The following KIAA0825 variants were observed in gnomAD, a reference collection of about 807,000 sequenced individuals.
The protein encoded by KIAA0825 is KIAA0825, also known as uncharacterized protein KIAA0825.
In KIAA0825, 119 loss-of-function variants were observed where a neutral mutation model predicts 147.6. The observed-to-expected ratio is 0.81, with a 90% CI of 0.69 to 0.94. The LOEUF (loss-of-function observed/expected upper bound fraction) is 0.94, where lower values mean the gene tolerates loss of function less well. Among genes scored for constraint, KIAA0825 ranks in the 40% least tolerant of loss-of-function variants. The pLI is 0.00. For missense variants in KIAA0825, 1,381 were observed against 1,472.7 expected (o/e 0.94, Z 1.02); for synonymous variants, 470 against 518.1 (o/e 0.91, Z 1.26).
At chr5:94,491,893 C>A in intron 5 of KIAA0825, among the ~76,000 whole-genome samples, 1 of 151,984 alleles carries the variant, frequency 6.6e-6, no homozygotes, top group South Asian at 2.1e-4. Flanking sequence ...AAATGAATAT[C>A]TATGAAGTTA....
intron 2 of KIAA0825, among the ~76,000 whole-genome samples, chr5:94,547,041 T>C (rs1774551649): frequency 6.6e-6 from 1 of 151,792 alleles, no homozygotes; most frequent in Non-Finnish European, 1.5e-5. Flanking sequence ...CAAGCAGAAA[T>C]TCTGGAGTTG....
Position 94,473,374 on chromosome 5 carries a change from G to A in KIAA0825, c.1373C>T (p.Ala458Val). ...QNERSSAVSY[A>V]MNLVNVQQVW... ...TTGCTGGACATTTACAAGGTTCATA[G>A]CATAGCTCACAGCTGAAGACCTTTC... Residue 458 changes from alanine (A) to valine (V), a missense_variant, in exon 8 of 21, where the codon GCT becomes GTT. Coordinates refer to ENST00000682413, the MANE Select transcript of KIAA0825 (RefSeq NM_001145678.3). The A allele has an allele frequency of 6.4e-7, 1 of 1,551,966 alleles. No individual in the cohort carries two copies. The highest frequency in any genetic ancestry group is 8.7e-7 in the Non-Finnish European group (1 of 1,147,048).
intron 5 of KIAA0825, among the ~76,000 whole-genome samples, chr5:94,505,394 C>T (rs1765628223): frequency 6.6e-6 from 1 of 151,234 alleles, no homozygotes; most frequent in Admixed American, 6.6e-5. Flanking sequence ...TCTCATAAGT[C>T]TTCATCCCCT....
At chr5:94,478,371 A>G (rs1762130027) in intron 6 of KIAA0825, among the ~76,000 whole-genome samples, 3 of 152,054 alleles carry the variant, frequency 2.0e-5, no homozygotes, top group African/African-American at 7.2e-5. Flanking sequence ...GGATTTGTGA[A>G]CACTCTAAGA....
chr5:94,496,329 G>A (rs760323591), intron 5 of KIAA0825, among the ~76,000 whole-genome samples: 2 of 152,198 alleles, frequency 1.3e-5, no homozygotes, highest in Non-Finnish European at 2.9e-5. Context: ...GCTACTCTGC[G>A]CTACAATGGC....
At chr5:94,171,029 A>G (rs1247198081) in intron 20 of KIAA0825, among the ~76,000 whole-genome samples, 1 of 152,234 alleles carries the variant, frequency 6.6e-6, no homozygotes, top group Non-Finnish European at 1.5e-5. Context: ...TGAATCATTC[A>G]GAACCAGCAC....
Position 94,520,454 on chromosome 5 carries a change from A to G in KIAA0825, c.764T>C (p.Ile255Thr). 1.9e-6 allele frequency: 3 copies of G among 1,612,710 alleles called. No individual in the cohort carries two copies. The highest frequency in any genetic ancestry group is 2.5e-6 in the Non-Finnish European group (3 of 1,179,028). ...ACATAGTGTGTTAAAATCCTCTTTT[A>G]TTACTGAGTATAACTTAAGCATTGT... ...QSTMLKLYSV[I>T]KEDFNTLCEI... Residue 255 changes from isoleucine to threonine, a missense_variant, in exon 5 of 21, where the codon ATA becomes ACA. By Grantham distance (89) the Ile-to-Thr change is moderately conservative (BLOSUM62 -1). Transcript: ENST00000682413.
At chr5:94,543,289 C>G (rs1175489338) in intron 2 of KIAA0825, among the ~76,000 whole-genome samples, 1 of 151,844 alleles carries the variant, frequency 6.6e-6, no homozygotes. Flanking sequence ...ACTAAAAGTA[C>G]AAAAATTAGC....
intron 20 of KIAA0825, among the ~76,000 whole-genome samples, chr5:94,299,233 T>C (rs1778271838): frequency 6.6e-6 from 1 of 152,104 alleles, no homozygotes; most frequent in Admixed American, 6.6e-5. Flanking sequence ...TTTATTTTTT[T>C]AGCGACAGAA....
intron 5 of KIAA0825, among the ~76,000 whole-genome samples, chr5:94,492,631 T>G (rs1763867117): frequency 6.6e-6 from 1 of 152,232 alleles, no homozygotes; most frequent in Non-Finnish European, 1.5e-5. Context: ...ATGGTACATT[T>G]GGGGTATCAC....
chr5:94,472,181 T>C (rs1761285503), intron 8 of KIAA0825, among the ~76,000 whole-genome samples: 1 of 152,194 alleles, frequency 6.6e-6, no homozygotes, highest in Non-Finnish European at 1.5e-5. Context: ...TAAATGTCAG[T>C]GCAATTTAAA....
At chr5:94,418,207 T>A (rs1179976955) in intron 14 of KIAA0825, among the ~76,000 whole-genome samples, 1 of 152,182 alleles carries the variant, frequency 6.6e-6, no homozygotes, top group Non-Finnish European at 1.5e-5. Flanking sequence ...AATAAATAGA[T>A]TTCTTTATTC....
At chr5:94,596,690 G>C (rs1011663676) in intron 1 of KIAA0825, among the ~76,000 whole-genome samples, 2 of 152,122 alleles carry the variant, frequency 1.3e-5, no homozygotes, top group Non-Finnish European at 2.9e-5. Context: ...TAATGATATT[G>C]AGTCTATCAA....
intron 1 of KIAA0825, among the ~76,000 whole-genome samples, chr5:94,617,118 A>G (rs1316496322): frequency 6.6e-6 from 1 of 152,192 alleles, no homozygotes; most frequent in East Asian, 1.9e-4. Flanking sequence ...ATAAATGTAA[A>G]GTGCCTGGCA....
chr5:94,521,174 A>G (rs868565489), intron 4 of KIAA0825, among the ~76,000 whole-genome samples: 1 of 151,842 alleles, frequency 6.6e-6, no homozygotes, highest in African/African-American at 2.4e-5. Context: ...TACAGTTTTT[A>G]GCCCTCATTG....
intron 20 of KIAA0825, among the ~76,000 whole-genome samples, chr5:94,268,297 T>C (rs957055368): frequency 3.9e-5 from 6 of 152,016 alleles, no homozygotes; most frequent in Non-Finnish European, 8.8e-5. Context: ...AAGTAGCCAG[T>C]TTACTAGCAT....
chr5:94,355,419 T>C (rs893943980), intron 20 of KIAA0825, among the ~76,000 whole-genome samples: 4 of 152,184 alleles, frequency 2.6e-5, no homozygotes, highest in African/African-American at 9.7e-5. Flanking sequence ...TTCTTTGTCA[T>C]GTAATGTTAT....
At chr5:94,594,056 T>C in intron 1 of KIAA0825, 1 of 526,656 alleles carries the variant, frequency 1.9e-6, no homozygotes, top group Admixed American at 2.1e-5. Context: ...GTGCAACATC[T>C]TAATTTCTAC....
chr5:94,319,893 C>G (rs1422003061), intron 20 of KIAA0825, among the ~76,000 whole-genome samples: 2 of 151,954 alleles, frequency 1.3e-5, no homozygotes, highest in East Asian at 3.9e-4. Context: ...AATCTAGTCT[C>G]TGGTTACCTC....
Sources: allele counts gnomAD v4.1 joint callset (sites outside exome capture counted in the v4.1 genomes callset), GRCh38; gene constraint gnomAD v4.1.1; transcripts MANE v1.5; gene names NCBI Gene and HGNC (gene_info 2026-07-23, HGNC 2026-07-21).